The following SLAMF6 variants were observed in gnomAD, a reference collection of about 807,000 sequenced individuals.
The protein encoded by SLAMF6 is SLAM family member 6, also known as NK-T-B-antigen.
A neutral mutation model predicts 38.3 loss-of-function variants in SLAMF6; 21 were observed. That is an observed-to-expected ratio of 0.55 (90% CI 0.39 to 0.79). The LOEUF (loss-of-function observed/expected upper bound fraction) is 0.79. Ranked by LOEUF, SLAMF6 falls within the 30% of genes least tolerant of loss-of-function variation. The pLI is 0.00. For synonymous variants in SLAMF6, 152 were observed against 146.3 expected (o/e 1.04, Z -0.28); for missense variants, 341 against 385.3 (o/e 0.89, Z 0.96).
chr1:160,517,322 G>A (rs1234216979), intron 1 of SLAMF6, among the ~76,000 whole-genome samples: 3 of 152,074 alleles, frequency 2.0e-5, no homozygotes, highest in Non-Finnish European at 4.4e-5. Context: ...ACCATCTCAT[G>A]ACAGAATAGT....
intron 1 of SLAMF6, among the ~76,000 whole-genome samples, chr1:160,500,983 T>C (rs930420449): frequency 6.6e-6 from 1 of 152,196 alleles, no homozygotes; most frequent in Non-Finnish European, 1.5e-5. Context: ...TTATGCTGCT[T>C]ACAAGAAGAA....
chr1:160,489,228 G>C, intron 5 of SLAMF6, 58 bp from the exon 6 acceptor site: 1 of 1,541,908 alleles, frequency 6.5e-7, no homozygotes, highest in South Asian at 1.1e-5. Context: ...TCTCTCCCAG[G>C]ACTTCTCCCT....
In SLAMF6 at chr1:160,496,264, G is replaced by A. The variant is rs1227880060; in HGVS notation, c.179C>T (p.Thr60Ile). The A allele has an allele frequency of 6.2e-7, 1 of 1,613,960 alleles. No homozygotes were observed. Among genetic ancestry groups the A allele is most frequent in the Non-Finnish European group, 8.5e-7 (1 of 1,179,914 alleles). Residue 60 changes from threonine to isoleucine, a missense_variant, in exon 2 of 8, where the codon ACA becomes ATA. Physicochemically the swap from Thr to Ile is moderately conservative, Grantham distance 89 (BLOSUM62 -1). Transcript: ENST00000368057. ...VNFITWLFNE[T>I]SLAFIVPHET... ...ATGGGGTACTATGAAGGCAAGAGAT[G>A]TTTCATTGAAAAGCCAAGTGATGAA...
intron 1 of SLAMF6, among the ~76,000 whole-genome samples, chr1:160,511,046 C>T (rs1454663791): frequency 1.3e-5 from 2 of 152,078 alleles, no homozygotes; most frequent in African/African-American, 4.8e-5. Context: ...CAAGATAATA[C>T]ACTGAAAACT....
Position 160,490,658 on chromosome 1 carries a change from T to A in SLAMF6, c.674A>T (p.Lys225Ile). 1 of 1,613,674 alleles carries A rather than the reference T, an allele frequency of 6.2e-7. No individual in the cohort carries two copies. The highest frequency in any genetic ancestry group is 2.2e-5 in the East Asian group (1 of 44,858). The change falls in exon 4 of 8, where the codon AAA becomes ATA. Residue 225 changes from lysine to isoleucine, a missense_variant. Transcript: ENST00000368057. ...CCCAGAAACCATAAACAGAATCATT[T>A]TGGTATCTGTATATTGAATTTTAAC... ...EDVKIQYTDT[K>I]MILFMVSGIC...
chr1:160,496,619 C>T (rs566227596), intron 1 of SLAMF6, among the ~76,000 whole-genome samples: 1 of 152,262 alleles, frequency 6.6e-6, no homozygotes, highest in South Asian at 2.1e-4. Context: ...GGCAGCTAGT[C>T]TAGATGAAAC....
intron 3 of SLAMF6, 143 bp downstream of exon 3, chr1:160,490,982 G>A: frequency 1.9e-6 from 2 of 1,069,948 alleles, no homozygotes; most frequent in Non-Finnish European, 1.4e-6. Flanking sequence ...ACTGAGAGAT[G>A]CAGAGCTCCA....
At chr1:160,502,278 G>T (rs1194328655) in intron 1 of SLAMF6, among the ~76,000 whole-genome samples, 1 of 152,176 alleles carries the variant, frequency 6.6e-6, no homozygotes, top group African/African-American at 2.4e-5. Context: ...CCTCATGTTG[G>T]CTACAACTCG....
chr1:160,490,676 A>G lies in SLAMF6; in HGVS notation c.656T>C (p.Ile219Thr), dbSNP rs776503084. ...AATCATTTTGGTATCTGTATATTGA[A>G]TTTTAACATCTGAAAAGAGAAAAAA... ...SAQKLCEDVKIQYTDTKMILF... is the reference protein window; with the variant it reads ...SAQKLCEDVKTQYTDTKMILF... Residue 219 changes from isoleucine to threonine, a missense_variant, in exon 4 of 8, where the codon ATT (isoleucine) becomes ACT (threonine). Coordinates refer to ENST00000368057, the MANE Select transcript of SLAMF6 (RefSeq NM_001184714.2). 5 of 1,612,854 alleles carry G rather than the reference A, an allele frequency of 3.1e-6. No individual in the cohort carries two copies. In the Admixed American group the frequency reaches 6.7e-5, roughly 22 times the overall value.
intron 2 of SLAMF6, 141 bp downstream of exon 2, chr1:160,495,920 C>T: frequency 2.7e-6 from 2 of 736,934 alleles, no homozygotes; most frequent in South Asian, 3.8e-5. Flanking sequence ...TTTGCAGTGT[C>T]ATTGTGTTGA....
chr1:160,506,364 T>A (rs1654189619), intron 1 of SLAMF6, among the ~76,000 whole-genome samples: 1 of 150,584 alleles, frequency 6.6e-6, no homozygotes, highest in African/African-American at 2.5e-5. Flanking sequence ...TGGGATGACA[T>A]ATTTAAGGTG....
At chr1:160,505,570 T>G (rs572906185) in intron 1 of SLAMF6, among the ~76,000 whole-genome samples, 6 of 152,280 alleles carry the variant, frequency 3.9e-5, no homozygotes, top group African/African-American at 1.4e-4. Context: ...CCTGGCTAAT[T>G]TTTAAAATAT....
At chr1:160,502,087 A>T (rs903692551) in intron 1 of SLAMF6, among the ~76,000 whole-genome samples, 7 of 152,226 alleles carry the variant, frequency 4.6e-5, no homozygotes, top group African/African-American at 1.7e-4. Flanking sequence ...CCCAGAGGGC[A>T]CATGGAGGTC....
At chr1:160,506,290 C>T (rs1474191165) in intron 1 of SLAMF6, among the ~76,000 whole-genome samples, 4 of 152,012 alleles carry the variant, frequency 2.6e-5, no homozygotes, top group Non-Finnish European at 4.4e-5. Context: ...TAGTCATGTA[C>T]AAGTCATGCT....
intron 1 of SLAMF6, among the ~76,000 whole-genome samples, chr1:160,517,791 G>T (rs1201768515): frequency 6.6e-6 from 1 of 152,182 alleles, no homozygotes; most frequent in Non-Finnish European, 1.5e-5. Flanking sequence ...CTTGTAAGTG[G>T]GAGCTGAACA....
Position 160,487,194 on chromosome 1 carries a change from C to T in SLAMF6, c.880-19G>A, listed in dbSNP as rs1004143909. Reference sequence around the variant, plus strand: ...CTGTTTCCTGTAAAAAGAATCATACCAATTTGGCTTACACAGAGACAAAGA... The same window carrying T: ...CTGTTTCCTGTAAAAAGAATCATACTAATTTGGCTTACACAGAGACAAAGA... On this transcript the variant is annotated intron_variant, in intron 6 of 7. Transcript: ENST00000368057. 1 of 1,609,370 alleles carries T rather than the reference C, an allele frequency of 6.2e-7. No individual in the cohort carries two copies. The highest frequency in any genetic ancestry group is 8.5e-7 in the Non-Finnish European group (1 of 1,177,840).
chr1:160,517,429 G>A (rs915900107), intron 1 of SLAMF6, among the ~76,000 whole-genome samples: 1 of 152,220 alleles, frequency 6.6e-6, no homozygotes, highest in Non-Finnish European at 1.5e-5. Flanking sequence ...TTCAACCATT[G>A]TGGAAGACAG....
chr1:160,519,784 G>T (rs989221464), intron 1 of SLAMF6, among the ~76,000 whole-genome samples: 1 of 151,670 alleles, frequency 6.6e-6, no homozygotes, highest in African/African-American at 2.4e-5. Flanking sequence ...ATTTGCCAGG[G>T]GCTGGGGGGG....
intron 6 of SLAMF6, 99 bp downstream of exon 6, chr1:160,488,989 C>T (rs896379979): frequency 2.2e-5 from 25 of 1,119,236 alleles, no homozygotes; most frequent in Non-Finnish European, 2.4e-5. Context: ...TTCTCCTCCC[C>T]TCAGTGGTCA....
Sources: gnomAD v4.1 joint callset for allele counts (sites outside exome capture counted in the v4.1 genomes callset) on GRCh38, gnomAD v4.1.1 for gene constraint, MANE v1.5 for transcripts, NCBI Gene and HGNC (gene_info 2026-07-23, HGNC 2026-07-21) for gene names.